The following FKBP11 variants were observed in gnomAD, a reference collection of about 807,000 sequenced individuals.
FKBP11 encodes the protein FKBP prolyl isomerase 11.
FKBP11 carries 21 observed loss-of-function variants against 24.7 expected under a neutral mutation model. The ratio of observed to expected loss-of-function variants is 0.85; its 90% CI spans 0.60 to 1.23. The LOEUF (loss-of-function observed/expected upper bound fraction) is 1.23. Among genes scored for constraint, FKBP11 ranks in the 50% most tolerant of loss-of-function variants. FKBP11 has a pLI of 0.00. For missense variants in FKBP11, 245 were observed against 248.7 expected, an observed-to-expected ratio of 0.99 and a Z score of 0.10; for synonymous variants, 106 against 100.6, an observed-to-expected ratio of 1.05 and a Z score of -0.32.
rs757597444 is a variant in FKBP11, at chr12:48,921,971, AATTTATT to A, written c.*6_*12del. The A allele has an allele frequency of 5.8e-6, 9 of 1,547,614 alleles. No individual in the cohort carries two copies. Among genetic ancestry groups the A allele is most frequent in the South Asian group, 3.7e-5 (3 of 80,060 alleles). On this transcript the variant is annotated 3_prime_UTR_variant, in exon 6 of 6. Coordinates refer to ENST00000550765, the MANE Select transcript of FKBP11 (RefSeq NM_016594.3). ...TGAAGAATGCAAATAAGTTTTTTAA[AATTTATT>A]ATTTATTATTTCTTTTTGCTCTTGT...
chr12:48,923,471 G>T (rs1939882381), intron 5 of FKBP11: 1 of 1,549,462 alleles, frequency 6.5e-7, no homozygotes, highest in South Asian at 1.2e-5. Context: ...AAAAGGGCAG[G>T]AAAGAAGTCC....
At chr12:48,933,257 C>G in the FKBP11 span, among the ~76,000 whole-genome samples, 1 of 152,244 alleles carries the variant, frequency 6.6e-6, no homozygotes, top group Non-Finnish European at 1.5e-5. Context: ...TCAGGAAACC[C>G]AATCAGAAAG....
chr12:48,938,085 TGA>T, the FKBP11 span: 2 of 293,230 alleles, frequency 6.8e-6, no homozygotes, highest in South Asian at 6.6e-5. Context: ...CACTCTAAGC[TGA>T]TAAGAGTGAG....
the FKBP11 span, among the ~76,000 whole-genome samples, chr12:48,932,821 AC>A: frequency 6.6e-6 from 1 of 152,064 alleles, no homozygotes; most frequent in African/African-American, 2.4e-5. Context: ...CCATTCTCAA[AC>A]CTGCTGCCTC....
the FKBP11 span, among the ~76,000 whole-genome samples, chr12:48,933,824 G>A: frequency 9.0e-4 from 136 of 151,560 alleles, 1 homozygote; most frequent in East Asian, 6.4e-3. Context: ...CCGAGATCAC[G>A]CCACTGCATT....
At chr12:48,924,998 G>C (rs756932306) in intron 2 of FKBP11, 48 bp downstream of exon 2, 244 of 1,576,854 alleles carry the variant, frequency 1.5e-4, no homozygotes, top group Non-Finnish European at 1.1e-4. Context: ...TGTTTCAGCA[G>C]GGCGCCGCCC....
chr12:48,931,005 T>A (rs573121148), upstream of FKBP11, among the ~76,000 whole-genome samples: 1 of 151,836 alleles, frequency 6.6e-6, no homozygotes, highest in Non-Finnish European at 1.5e-5. Context: ...GGCGGGTACC[T>A]GTAGTCCCAG....
At chr12:48,922,266 A>T (rs1473734750) in intron 5 of FKBP11, 65 bp from the exon 6 acceptor site, 2 of 1,476,664 alleles carry the variant, frequency 1.4e-6, no homozygotes, top group African/African-American at 2.8e-5. Flanking sequence ...CAGAATCTGA[A>T]TGAAAATAGG....
intron 2 of FKBP11, 143 bp from the exon 3 acceptor site, chr12:48,924,791 A>T: frequency 6.8e-7 from 1 of 1,466,546 alleles, no homozygotes; most frequent in Non-Finnish European, 9.0e-7. Context: ...AGGAACAGGA[A>T]GCCCCAGAAG....
In FKBP11 at chr12:48,925,473, C is replaced by A. The variant is rs769584236; in HGVS notation, c.-45G>T. 4 of 1,529,160 alleles carry A rather than the reference C, an allele frequency of 2.6e-6. No homozygotes were observed. The highest frequency in any genetic ancestry group is 4.0e-5 in the Admixed American group (2 of 50,394). The allele number at this position is 1,529,160 out of a possible 1,614,324, so 94.7% of individuals were successfully genotyped here. ...AGCCGGGGCACCAGGACAGGCTGTT[C>A]GGGTGGCGGCAGCCAGGACAGCGTT... On this transcript the variant is annotated 5_prime_UTR_variant, in exon 1 of 6. Coordinates refer to ENST00000550765, the MANE Select transcript of FKBP11 (RefSeq NM_016594.3).
At chr12:48,934,660 C>CCTCT in the FKBP11 span, among the ~76,000 whole-genome samples, 1 of 152,130 alleles carries the variant, frequency 6.6e-6, no homozygotes, top group Non-Finnish European at 1.5e-5. Flanking sequence ...CAGCTAAAGT[C>CCTCT]CTCTCCCTTA....
At chr12:48,925,236 CCCCA>C in intron 1 of FKBP11, 60 bp downstream of exon 1, 2 of 1,594,428 alleles carry the variant, frequency 1.3e-6, no homozygotes, top group Non-Finnish European at 1.7e-6. Context: ...TTCGCTGAGA[CCCCA>C]GTATTACCAC....
rs1592232057 is a variant in FKBP11 at position 48,925,095 on chromosome 12, G to A, written c.146C>T (p.Pro49Leu). 2 of 1,613,644 alleles carry A rather than the reference G, an allele frequency of 1.2e-6. No individual in the cohort carries two copies. Among genetic ancestry groups the A allele is most frequent in the East Asian group, 2.2e-5 (1 of 44,862 alleles). ...QVETLVEPPE[P>L]CAEPAAFGDT... is the part of the protein sequence containing the mutation. ...TCCAAAAGCAGCGGGCTCGGCACAT[G>A]GTTCTGGGGGCTCCACCTACGATCG... is the stretch of plus-strand genomic sequence containing the variant. The change falls in exon 2 of 6, where the codon CCA (proline) becomes CTA (leucine). Residue 49 changes from proline to leucine, a missense_variant. Coordinates refer to ENST00000550765, the MANE Select transcript of FKBP11 (RefSeq NM_016594.3).
At chr12:48,924,449 C>CCCTT in intron 3 of FKBP11, 112 bp downstream of exon 3, 2 of 1,177,974 alleles carry the variant, frequency 1.7e-6, no homozygotes, top group Non-Finnish European at 2.5e-6. Flanking sequence ...ACTCGTAGAG[C>CCCTT]CCTAGGGTCT....
At chr12:48,927,347 T>TG (rs1565701948), upstream of FKBP11, among the ~76,000 whole-genome samples, 1 of 146,240 alleles carries the variant, frequency 6.8e-6, no homozygotes, top group African/African-American at 2.5e-5. Context: ...TTGTATTGTT[T>TG]AAAAAAAAAA....
At chr12:48,930,461 T>C (rs1940033774), upstream of FKBP11, among the ~76,000 whole-genome samples, 1 of 152,236 alleles carries the variant, frequency 6.6e-6, no homozygotes, top group African/African-American at 2.4e-5. Context: ...GAAATTACTT[T>C]GGTTATAATT....
chr12:48,934,376 C>G, the FKBP11 span, among the ~76,000 whole-genome samples: 3 of 152,188 alleles, frequency 2.0e-5, no homozygotes, highest in African/African-American at 4.8e-5. Context: ...TCCAAGTCTT[C>G]CGCCAGTCCA....
chr12:48,926,873 G>A (rs768872248), upstream of FKBP11, among the ~76,000 whole-genome samples: 2 of 152,034 alleles, frequency 1.3e-5, no homozygotes, highest in African/African-American at 4.8e-5. Flanking sequence ...GCAATGGCAC[G>A]ATCTTGGCTC....
intron 5 of FKBP11, chr12:48,923,545 TAAC>T: frequency 2.6e-6 from 4 of 1,551,634 alleles, no homozygotes; most frequent in Non-Finnish European, 3.5e-6. Context: ...GTCTCTTCCC[TAAC>T]AAGTTACTGG....
Sources: gnomAD v4.1 joint callset for allele counts (sites outside exome capture counted in the v4.1 genomes callset) on GRCh38, gnomAD v4.1.1 for gene constraint, MANE v1.5 for transcripts, NCBI Gene and HGNC (gene_info 2026-07-23, HGNC 2026-07-21) for gene names.